The following CNBD1 variants were observed in gnomAD, a reference collection of about 807,000 sequenced individuals.
CNBD1 encodes the protein cyclic nucleotide binding domain containing 1, also known as cyclic nucleotide-binding domain-containing protein 1.
In CNBD1, 71 loss-of-function variants were observed where a neutral mutation model predicts 54.4. That is an observed-to-expected ratio of 1.30 (90% confidence interval 1.08 to 1.59). The LOEUF is 1.59. Among genes scored for constraint, CNBD1 ranks in the 40% most tolerant of loss-of-function variants. The pLI is 0.00. For missense variants in CNBD1, 659 were observed against 518.0 expected (o/e 1.27, Z -2.64); for synonymous variants, 182 against 170.7 (o/e 1.07, Z -0.51).
chr8:87,040,623 A>G (rs765955786), intron 4 of CNBD1, among the ~76,000 whole-genome samples: 1 of 151,546 alleles, frequency 6.6e-6, no homozygotes, highest in Admixed American at 6.6e-5. Flanking sequence ...ATGGGGTTTC[A>G]TGGTGTTAGC....
intron 4 of CNBD1, among the ~76,000 whole-genome samples, chr8:87,078,839 G>T (rs1810928783): frequency 6.6e-6 from 1 of 152,114 alleles, no homozygotes; most frequent in Non-Finnish European, 1.5e-5. Context: ...TGGTCTATAG[G>T]TATATATAGT....
intron 4 of CNBD1, among the ~76,000 whole-genome samples, chr8:87,017,228 G>C (rs1301904046): frequency 2.6e-5 from 4 of 152,164 alleles, no homozygotes; most frequent in South Asian, 2.1e-4. Context: ...CAAGATTTAT[G>C]TAAGTTAGTC....
chr8:87,152,343 G>A (rs970617293), intron 4 of CNBD1, among the ~76,000 whole-genome samples: 1 of 151,896 alleles, frequency 6.6e-6, no homozygotes, highest in Non-Finnish European at 1.5e-5. Flanking sequence ...TCTGTAACAG[G>A]GGTGTCCAAT....
At chr8:87,156,630 A>AT (rs1248459239) in intron 4 of CNBD1, among the ~76,000 whole-genome samples, 2 of 151,968 alleles carry the variant, frequency 1.3e-5, no homozygotes, top group African/African-American at 2.4e-5. Context: ...TATTTTAATT[A>AT]TTTTTTACAG....
chr8:87,351,737 A>G lies in CNBD1; in HGVS notation c.1095A>G (p.Gly365=). The G allele has an allele frequency of 2.6e-6, 4 of 1,533,940 alleles. No homozygotes were observed. The highest frequency in any genetic ancestry group is 3.5e-6 in the Non-Finnish European group (4 of 1,145,498). ...CTTTTGTGGGTTATATTAACTCTGG[A>G]TGCTGTAACATTTATAGAAGTATTA... ...IISFVGYINS[G]CCNIYRSIIG... Residue 365 remains glycine, a synonymous_variant, in exon 9 of 11, where the codon GGA becomes GGG. Coordinates refer to ENST00000518476, the MANE Select transcript of CNBD1 (RefSeq NM_173538.3).
intron 4 of CNBD1, among the ~76,000 whole-genome samples, chr8:87,194,046 CA>C (rs1436024972): frequency 3.3e-5 from 5 of 152,090 alleles, no homozygotes; most frequent in African/African-American, 1.2e-4. Context: ...GTCAAGTCGG[CA>C]AATTAGATTT....
At chr8:87,164,772 T>C (rs1812927477) in intron 4 of CNBD1, among the ~76,000 whole-genome samples, 1 of 151,736 alleles carries the variant, frequency 6.6e-6, no homozygotes, top group Non-Finnish European at 1.5e-5. Context: ...CTAGTCTCTG[T>C]GTCATTTACA....
intron 2 of CNBD1, among the ~76,000 whole-genome samples, chr8:86,900,256 A>G: frequency 6.6e-6 from 1 of 150,420 alleles, no homozygotes; most frequent in Admixed American, 6.6e-5. Context: ...GTTCTACACT[A>G]CAGGAATATG....
At chr8:87,304,974 G>A (rs1260702147) in intron 8 of CNBD1, among the ~76,000 whole-genome samples, 1 of 152,070 alleles carries the variant, frequency 6.6e-6, no homozygotes, top group Non-Finnish European at 1.5e-5. Context: ...AACTGCCACT[G>A]TTTGCTAACA....
At chr8:87,070,164 A>G (rs116275077) in intron 4 of CNBD1, among the ~76,000 whole-genome samples, 1,707 of 152,112 alleles carry the variant, frequency 0.011, 35 homozygotes, top group African/African-American at 0.035. Flanking sequence ...TCCTTCTTCC[A>G]TTGTCACTTC....
intron 2 of CNBD1, among the ~76,000 whole-genome samples, chr8:86,897,244 C>T (rs1286566748): frequency 6.6e-6 from 1 of 152,062 alleles, no homozygotes; most frequent in African/African-American, 2.4e-5. Flanking sequence ...TGAAACTCAC[C>T]AAATCAGCCA....
chr8:87,069,412 T>G (rs1810717381), intron 4 of CNBD1, among the ~76,000 whole-genome samples: 1 of 152,086 alleles, frequency 6.6e-6, no homozygotes, highest in Non-Finnish European at 1.5e-5. Flanking sequence ...TTTCTATGTT[T>G]AGATATGTTT....
chr8:87,271,624 T>C (rs1161075192), intron 6 of CNBD1, among the ~76,000 whole-genome samples: 1 of 151,968 alleles, frequency 6.6e-6, no homozygotes, highest in Non-Finnish European at 1.5e-5. Flanking sequence ...GTTGAGGATG[T>C]GGAGAAAGAA....
intron 4 of CNBD1, among the ~76,000 whole-genome samples, chr8:87,079,823 T>C (rs574233876): frequency 1.4e-4 from 21 of 152,302 alleles, no homozygotes; most frequent in Middle Eastern, 3.4e-3. Context: ...ACTTTTATTG[T>C]AATAAAGTTT....
chr8:87,419,234 A>G lies in CNBD1; in HGVS notation c.214-9312A>G, dbSNP rs540933655. ...TGCATTTGTGTAACATGTCTAGAAT[A>G]GGCAAACATGTCTAGAATAGGCAAA... On this transcript the variant is annotated intron_variant, in intron 2 of 7. Coordinates refer to the CNBD1 transcript ENST00000521593. 1.8e-4 allele frequency among the ~76,000 whole-genome samples: 28 copies of G among 152,024 alleles called. No homozygotes were observed. In the South Asian group the frequency reaches 5.8e-3, roughly 31 times the overall value.
chr8:87,378,397 T>G (rs1810996439), intron 10 of CNBD1, among the ~76,000 whole-genome samples: 1 of 150,440 alleles, frequency 6.6e-6, no homozygotes, highest in Admixed American at 6.6e-5. Context: ...CCAGCACCAT[T>G]TATTAAATAG....
At chr8:87,282,455 G>C (rs1808618013) in intron 6 of CNBD1, among the ~76,000 whole-genome samples, 1 of 151,106 alleles carries the variant, frequency 6.6e-6, no homozygotes, top group Admixed American at 6.6e-5. Context: ...TTATTATCTT[G>C]TTTCTTTACT....
At chr8:87,194,926 C>T (rs1813683732) in intron 4 of CNBD1, among the ~76,000 whole-genome samples, 1 of 152,070 alleles carries the variant, frequency 6.6e-6, no homozygotes, top group Non-Finnish European at 1.5e-5. Flanking sequence ...CCCTGTCATC[C>T]AGGCTGGAGT....
chr8:87,074,095 C>A lies in CNBD1; in HGVS notation c.432-131898C>A, dbSNP rs371630813. Among the ~76,000 whole-genome samples, 728 of 124,226 alleles carry A rather than the reference C, an allele frequency of 5.9e-3. 11 individuals carry two copies. The highest frequency in any genetic ancestry group is 0.023 in the African/African-American group (683 of 29,926). The allele number at this position is 124,226 out of a possible 152,430, so 81.5% of individuals were successfully genotyped here. On this transcript the variant is annotated intron_variant, in intron 4 of 10. Transcript: ENST00000518476. The stretch of plus-strand genomic sequence containing the variant: ...CAGCCTGGGTGACAGAGCGAGACTC[C>A]ATCTCAAAAAAAAAAAAAAAAGGCA...
Sources: allele counts gnomAD v4.1 joint callset (sites outside exome capture counted in the v4.1 genomes callset), GRCh38; gene constraint gnomAD v4.1.1; transcripts MANE v1.5; gene names NCBI Gene and HGNC (gene_info 2026-07-23, HGNC 2026-07-21).